Variants in ANKRD30B observed in about 807,000 individuals in gnomAD.
ANKRD30B encodes ankyrin repeat domain 30B.
In ANKRD30B, 144 loss-of-function variants were observed where a neutral mutation model predicts 202.2. The observed-to-expected ratio is 0.71, with a 90% CI of 0.62 to 0.82. The LOEUF (loss-of-function observed/expected upper bound fraction) is 0.82, where lower values mean the gene tolerates loss of function less well. Among genes scored for constraint, ANKRD30B ranks in the 40% least tolerant of loss-of-function variants. ANKRD30B has a pLI of 0.00. For missense variants in ANKRD30B, 1,487 were observed against 1,669.1 expected (o/e 0.89, Z 1.90); for synonymous variants, 508 against 561.3 (o/e 0.91, Z 1.34).
chr18:14,931,933 CGGGCCCCCCACCCCACCTCCCTCCTCCT>C, the ANKRD30B span, among the ~76,000 whole-genome samples: 20 of 115,946 alleles, frequency 1.7e-4, no homozygotes, highest in East Asian at 2.6e-4. Flanking sequence ...TGCTCTGTCC[CGGGCCCCCCACCCCACCTCCCTCCTCCT>C]TCCTCCCTCC....
In ANKRD30B at chr18:14,791,411, A is replaced by T; in HGVS notation, c.1745A>T (p.Glu582Val). ...TATTACTTTTAACAGAGTCCCTGTG[A>T]GACGGTTTCACAGAAGGATGTGTAT... is the stretch of plus-strand genomic sequence containing the variant. ...ENSWDSESPC[E>V]TVSQKDVYLP... The change falls in exon 16 of 44, where the codon GAG becomes GTG. Residue 582 changes from glutamate to valine, a missense_variant. This residue lies in a region of ANKRD30B where 889 missense variants were observed against 841.4 expected (regional missense o/e 1.06). Coordinates refer to ENST00000690538, the MANE Select transcript of ANKRD30B (RefSeq NM_001367607.2). 1 of 1,608,088 alleles carries T rather than the reference A, an allele frequency of 6.2e-7. No homozygotes were observed. The highest frequency in any genetic ancestry group is 8.5e-7 in the Non-Finnish European group (1 of 1,177,772).
chr18:14,885,571 G>T, the ANKRD30B span, among the ~76,000 whole-genome samples: 1 of 151,816 alleles, frequency 6.6e-6, no homozygotes, highest in East Asian at 1.9e-4. Context: ...AATAGTGAGG[G>T]GCACCGTTTT....
Position 14,810,387 on chromosome 18 carries a change from G to T in ANKRD30B, c.2488+207G>T, listed in dbSNP as rs558583305. Among the ~76,000 whole-genome samples the T allele has an allele frequency of 2.8e-4, 42 of 151,350 alleles. No homozygotes were observed. In the East Asian group the frequency reaches 4.6e-3, roughly 17 times the overall value. On this transcript the variant is annotated intron_variant, in intron 28 of 43. Coordinates refer to ENST00000690538, the MANE Select transcript of ANKRD30B (RefSeq NM_001367607.2). Reference sequence around the variant, plus strand: ...GATTTAGAAAAAAATTCTGCTTTACGTCATGTGGTTCTTCTTTAATATCCC... The same window carrying T: ...GATTTAGAAAAAAATTCTGCTTTACTTCATGTGGTTCTTCTTTAATATCCC...
chr18:14,880,516 G>A, the ANKRD30B span, among the ~76,000 whole-genome samples: 2 of 151,958 alleles, frequency 1.3e-5, no homozygotes, highest in African/African-American at 4.8e-5. Context: ...CAAGAGCATG[G>A]GGATGCGTTT....
chr18:14,760,484 A>G (rs1915075492), intron 5 of ANKRD30B, 70 bp from the exon 6 acceptor site: 6 of 864,346 alleles, frequency 6.9e-6, no homozygotes, highest in Non-Finnish European at 1.1e-5. Flanking sequence ...CTAAGAACTT[A>G]ATAAATTTGG....
chr18:14,769,211 A>C lies in ANKRD30B; in HGVS notation c.1226-132A>C, dbSNP rs1358789833. On this transcript the variant is annotated intron_variant, in intron 7 of 43. Transcript: ENST00000690538. ...TTCAGACTCCTGGGCTCCTCAGGCGATCCTCCTGCCTCACCTTCCCAAGTA... is the reference window on the plus strand; with the variant it reads ...TTCAGACTCCTGGGCTCCTCAGGCGCTCCTCCTGCCTCACCTTCCCAAGTA... 5 of 623,386 alleles carry C rather than the reference A, an allele frequency of 8.0e-6. No individual in the cohort carries two copies. In the East Asian group the frequency reaches 1.6e-4, roughly 20 times the overall value. 38.6% of individuals were successfully genotyped at this position (623,386 alleles called of 1,614,324 possible). A position where few individuals can be genotyped will look rare whatever the true frequency, so the allele number is the denominator to read the frequency against.
At chr18:14,880,306 A>T in the ANKRD30B span, among the ~76,000 whole-genome samples, 5 of 152,114 alleles carry the variant, frequency 3.3e-5, no homozygotes, top group African/African-American at 1.2e-4. Flanking sequence ...GTTTGAAATC[A>T]AGTAATGTGA....
chr18:14,882,610 C>G, the ANKRD30B span, among the ~76,000 whole-genome samples: 8 of 152,130 alleles, frequency 5.3e-5, no homozygotes, highest in African/African-American at 1.9e-4. Context: ...CTGTATATAT[C>G]TGTTAAGTCC....
intron 26 of ANKRD30B, among the ~76,000 whole-genome samples, chr18:14,809,621 T>A (rs139261865): frequency 6.6e-6 from 1 of 150,862 alleles, no homozygotes; most frequent in Non-Finnish European, 1.5e-5. Context: ...GGGATAGGAA[T>A]CTTGGTGATG....
At chr18:14,914,187 A>G in the ANKRD30B span, among the ~76,000 whole-genome samples, 3 of 152,266 alleles carry the variant, frequency 2.0e-5, no homozygotes, top group South Asian at 6.2e-4. Flanking sequence ...AATTATTAAC[A>G]TTGATAATCT....
At chr18:14,819,986 T>G (rs1322258208) in intron 30 of ANKRD30B, among the ~76,000 whole-genome samples, 1 of 152,180 alleles carries the variant, frequency 6.6e-6, no homozygotes, top group Non-Finnish European at 1.5e-5. Flanking sequence ...TGATTCTTCC[T>G]ACCCATGAGC....
rs188748240 is a variant in ANKRD30B at position 14,854,319 on chromosome 18, A to G, written c.*161A>G. Reference sequence around the variant, plus strand: ...CCAAGATAGGATGTACAGAACTAAAATGATAAAAGTCATATAACAATGGTA... The same window carrying G: ...CCAAGATAGGATGTACAGAACTAAAGTGATAAAAGTCATATAACAATGGTA... On this transcript the variant is annotated 3_prime_UTR_variant, in exon 44 of 44. Coordinates refer to ENST00000690538, the MANE Select transcript of ANKRD30B (RefSeq NM_001367607.2). Among the ~76,000 whole-genome samples the G allele has an allele frequency of 1.3e-5, 2 of 152,342 alleles. No individual in the cohort carries two copies. Among genetic ancestry groups the G allele is most frequent in the Non-Finnish European group, 2.9e-5 (2 of 68,038 alleles).
intron 9 of ANKRD30B, among the ~76,000 whole-genome samples, chr18:14,774,386 C>T (rs569236133): frequency 3.3e-5 from 5 of 152,226 alleles, no homozygotes; most frequent in Non-Finnish European, 4.4e-5. Flanking sequence ...TGATTTGCCC[C>T]AGACTTTTTT....
intron 28 of ANKRD30B, 29 bp downstream of exon 28, chr18:14,810,209 G>A (rs1969833979): frequency 1.6e-6 from 2 of 1,255,256 alleles, no homozygotes; most frequent in Non-Finnish European, 2.2e-6. Flanking sequence ...ATTTTACTCT[G>A]GAATTAAGAA....
chr18:14,748,927 C>G (rs3889979), intron 1 of ANKRD30B, among the ~76,000 whole-genome samples: 138,573 of 152,300 alleles, frequency 0.91, 63,141 homozygotes, highest in Admixed American at 0.93. Context: ...ACAAAGCACT[C>G]TGTAGAAAAT....
intron 34 of ANKRD30B, among the ~76,000 whole-genome samples, chr18:14,835,558 C>T (rs182144750): frequency 4.4e-4 from 66 of 151,628 alleles, no homozygotes; most frequent in Non-Finnish European, 6.9e-4. Context: ...TTTTTAGTTT[C>T]TTTCTTCACT....
At chr18:14,789,855 G>C (rs987104031) in intron 15 of ANKRD30B, among the ~76,000 whole-genome samples, 4 of 151,852 alleles carry the variant, frequency 2.6e-5, no homozygotes, top group Non-Finnish European at 4.4e-5. Context: ...TTTGGCTTAG[G>C]ATTGACTTGG....
chr18:14,920,412 CA>C, the ANKRD30B span, among the ~76,000 whole-genome samples: 1 of 152,138 alleles, frequency 6.6e-6, no homozygotes, highest in South Asian at 2.1e-4. Context: ...TAATGAGTGT[CA>C]CCATAGTGAC....
intron 7 of ANKRD30B, among the ~76,000 whole-genome samples, chr18:14,765,469 A>AAAAAG (rs1555646453): frequency 4.3e-4 from 65 of 152,090 alleles, no homozygotes; most frequent in African/African-American, 3.4e-4. Context: ...TCTGAAAAAA[A>AAAAAG]AAAAAGAAAA....
Sources: gnomAD v4.1 joint callset for allele counts (sites outside exome capture counted in the v4.1 genomes callset) on GRCh38, gnomAD v4.1.1 for gene constraint, gnomAD v4.1.1 regional missense constraint, MANE v1.5 for transcripts, NCBI Gene and HGNC (gene_info 2026-07-23, HGNC 2026-07-21) for gene names.